The following ANKS1B variants were observed in gnomAD, a reference collection of about 807,000 sequenced individuals.
ANKS1B encodes ankyrin repeat and sterile alpha motif domain containing 1B.
A neutral mutation model predicts 148.3 loss-of-function variants in ANKS1B; 36 were observed. That is an observed-to-expected ratio of 0.24 (90% CI 0.19 to 0.32). The LOEUF (loss-of-function observed/expected upper bound fraction) is 0.32. Ranked by LOEUF, ANKS1B falls within the 10% of genes least tolerant of loss-of-function variation. ANKS1B has a pLI of 1.00. For missense variants in ANKS1B, 1,157 were observed against 1,542.6 expected (o/e 0.75, Z 4.19); for synonymous variants, 542 against 560.8 (o/e 0.97, Z 0.47).
At chr12:99,747,233 C>T (rs7488778) in intron 8 of ANKS1B, among the ~76,000 whole-genome samples, 35,113 of 151,970 alleles carry the variant, frequency 0.23, 4,654 homozygotes, top group Non-Finnish European at 0.31. Context: ...TTGCAGTCAC[C>T]TCAAGGTTAA....
chr12:99,469,746 A>G (rs1335530050), intron 10 of ANKS1B, among the ~76,000 whole-genome samples: 4 of 152,322 alleles, frequency 2.6e-5, no homozygotes, highest in East Asian at 1.9e-4. Flanking sequence ...TCCAACTAAA[A>G]TAAGTTTAAA....
At chr12:99,590,166 GAATT>G (rs576891707) in intron 9 of ANKS1B, among the ~76,000 whole-genome samples, 476 of 151,608 alleles carry the variant, frequency 3.1e-3, no homozygotes, top group Middle Eastern at 0.01. Flanking sequence ...ATAGATATGT[GAATT>G]AATATGAAAA....
At chr12:99,112,044 T>C (rs2060395928) in intron 15 of ANKS1B, among the ~76,000 whole-genome samples, 2 of 152,318 alleles carry the variant, frequency 1.3e-5, no homozygotes, top group South Asian at 4.1e-4. Context: ...CTGAAATTTG[T>C]AAATTGCTTT....
intron 17 of ANKS1B, among the ~76,000 whole-genome samples, chr12:98,947,309 A>C (rs1434261289): frequency 6.6e-6 from 1 of 152,172 alleles, no homozygotes; most frequent in Non-Finnish European, 1.5e-5. Flanking sequence ...CTGACTTAGA[A>C]GGCCACAGTC....
At chr12:99,666,859 T>G (rs557028060) in intron 8 of ANKS1B, among the ~76,000 whole-genome samples, 7,156 of 86,720 alleles carry the variant, frequency 0.083, 227 homozygotes, top group Middle Eastern at 0.12. Context: ...TACTATGGGG[T>G]GTGTGTGTGT....
At chr12:98,842,433 G>C (rs917837472) in intron 17 of ANKS1B, among the ~76,000 whole-genome samples, 66 of 152,246 alleles carry the variant, frequency 4.3e-4, no homozygotes, top group African/African-American at 1.6e-3. Context: ...ATAGGAGCAG[G>C]GATTGACTGC....
chr12:99,667,510 T>C (rs2098515397), intron 8 of ANKS1B, among the ~76,000 whole-genome samples: 1 of 152,226 alleles, frequency 6.6e-6, no homozygotes, highest in Non-Finnish European at 1.5e-5. Flanking sequence ...GGATTTTCTA[T>C]GTAAATGATC....
At chr12:98,989,268 T>C (rs1033351522) in intron 17 of ANKS1B, among the ~76,000 whole-genome samples, 3 of 152,168 alleles carry the variant, frequency 2.0e-5, no homozygotes, top group Non-Finnish European at 4.4e-5. Context: ...TTTCATCCAT[T>C]TTGAGTTGAT....
chr12:99,627,654 T>C (rs1022639023), intron 9 of ANKS1B, among the ~76,000 whole-genome samples: 1 of 152,190 alleles, frequency 6.6e-6, no homozygotes. Context: ...CCTGAGGGCC[T>C]GCGGCATGCA....
At chr12:99,817,047 C>G (rs564512465) in intron 2 of ANKS1B, among the ~76,000 whole-genome samples, 3 of 151,584 alleles carry the variant, frequency 2.0e-5, no homozygotes, top group African/African-American at 7.3e-5. Flanking sequence ...CAATTCCTCT[C>G]TTCTAGCTAT....
chr12:99,386,305 T>C (rs1382704426), intron 12 of ANKS1B: 1 of 152,214 alleles, frequency 6.6e-6, no homozygotes, highest in Non-Finnish European at 1.5e-5. Flanking sequence ...TGTGAACGCA[T>C]TGTTAGATGT....
intron 9 of ANKS1B, among the ~76,000 whole-genome samples, chr12:99,535,767 G>C (rs1229673345): frequency 2.0e-5 from 3 of 152,014 alleles, no homozygotes; most frequent in African/African-American, 7.3e-5. Context: ...AGAATCTCCA[G>C]AACTCCACTC....
At chr12:99,384,939 AAATG>A (rs2093797798) in intron 12 of ANKS1B, among the ~76,000 whole-genome samples, 1 of 152,224 alleles carries the variant, frequency 6.6e-6, no homozygotes, top group Non-Finnish European at 1.5e-5. Context: ...AATATTTGTT[AAATG>A]AATGAATGAA....
chr12:99,855,221 C>T (rs1463523167), intron 1 of ANKS1B, among the ~76,000 whole-genome samples: 1 of 152,002 alleles, frequency 6.6e-6, no homozygotes, highest in South Asian at 2.1e-4. Context: ...ATATTCCATG[C>T]CAATGGACAC....
intron 26 of ANKS1B, among the ~76,000 whole-genome samples, chr12:98,748,161 T>C (rs1397413867): frequency 6.6e-6 from 1 of 152,126 alleles, no homozygotes. Context: ...ACTGATATGA[T>C]CATTACATAT....
chr12:99,565,392 C>G (rs994256591), intron 9 of ANKS1B, among the ~76,000 whole-genome samples: 1 of 152,108 alleles, frequency 6.6e-6, no homozygotes, highest in Non-Finnish European at 1.5e-5. Flanking sequence ...CTTCTTCAAA[C>G]CCCCCAACCT....
In ANKS1B at chr12:99,887,433, C is replaced by G. The variant is rs551902901; in HGVS notation, c.135-62044G>C. On this transcript the variant is annotated intron_variant, in intron 1 of 26. Transcript: ENST00000683438. ...AATTAATATCATCTGTTTCTTTTCA[C>G]GTTTCAAAGTGTAGTTACTACAGAT... Among the ~76,000 whole-genome samples, 51 of 152,248 alleles carry G rather than the reference C, an allele frequency of 3.3e-4. 1 individual carries two copies. The South Asian group carries it at 6.2e-3, about 19-fold the overall frequency.
At chr12:99,973,292 T>A (rs2095583059) in intron 1 of ANKS1B, among the ~76,000 whole-genome samples, 1 of 152,218 alleles carries the variant, frequency 6.6e-6, no homozygotes, top group Admixed American at 6.5e-5. Flanking sequence ...ACTAAGAACA[T>A]TTGCGGGCCA....
intron 17 of ANKS1B, among the ~76,000 whole-genome samples, chr12:98,871,090 T>C (rs553325376): frequency 6.6e-6 from 1 of 152,360 alleles, no homozygotes; most frequent in Non-Finnish European, 1.5e-5. Flanking sequence ...TTTTCATTTT[T>C]CCTTAAGAAT....
Sources: gnomAD v4.1 joint callset for allele counts (sites outside exome capture counted in the v4.1 genomes callset) on GRCh38, gnomAD v4.1.1 for gene constraint, MANE v1.5 for transcripts, NCBI Gene and HGNC (gene_info 2026-07-23, HGNC 2026-07-21) for gene names.